The following TENM3 variants were observed in gnomAD, a reference collection of about 807,000 sequenced individuals.
The protein encoded by TENM3 is teneurin transmembrane protein 3.
In TENM3, 63 loss-of-function variants were observed where a neutral mutation model predicts 255.1. That is an observed-to-expected ratio of 0.25 (90% CI 0.20 to 0.30). The LOEUF (loss-of-function observed/expected upper bound fraction) is 0.30. Among genes scored for constraint, TENM3 ranks in the 10% least tolerant of loss-of-function variants. TENM3 has a pLI of 1.00. For missense variants in TENM3, 2,929 were observed against 3,461.1 expected (o/e 0.85, Z 3.86); for synonymous variants, 1,306 against 1,322.3 (o/e 0.99, Z 0.27).
At chr4:182,669,336 C>T (rs983071482) in intron 6 of TENM3, among the ~76,000 whole-genome samples, 22 of 152,186 alleles carry the variant, frequency 1.4e-4, no homozygotes, top group Non-Finnish European at 1.9e-4. Context: ...GTGGCGCGAT[C>T]TCGGCTCACT....
chr4:182,774,847 T>A (rs1284089835), intron 23 of TENM3, 71 bp from the exon 24 acceptor site: 1 of 1,111,778 alleles, frequency 9.0e-7, no homozygotes, highest in Non-Finnish European at 1.3e-6. Flanking sequence ...TTAGAACCTA[T>A]CTCACGGCAC....
intron 3 of TENM3, among the ~76,000 whole-genome samples, chr4:182,485,180 C>CA (rs1734578850): frequency 6.6e-6 from 1 of 152,050 alleles, no homozygotes; most frequent in Non-Finnish European, 1.5e-5. Context: ...ACAGCCCTGT[C>CA]CTCGTTTGTA....
At chr4:182,262,924 A>G (rs1034095401) in intron 1 of TENM3, among the ~76,000 whole-genome samples, 4 of 152,084 alleles carry the variant, frequency 2.6e-5, no homozygotes, top group Admixed American at 2.0e-4. Flanking sequence ...CGTGTTAGCC[A>G]GGATGGTCTC....
At chr4:182,798,035 T>C (rs1333941878) in intron 27 of TENM3, among the ~76,000 whole-genome samples, 3 of 152,120 alleles carry the variant, frequency 2.0e-5, no homozygotes, top group Non-Finnish European at 4.4e-5. Flanking sequence ...ATATCATATA[T>C]ATTTTTTTTT....
the TENM3 span, among the ~76,000 whole-genome samples, chr4:182,081,445 G>A: frequency 7.2e-5 from 11 of 151,938 alleles, no homozygotes; most frequent in Admixed American, 2.6e-4. Context: ...TTAGCTGGGC[G>A]TGGTGGCACG....
At chr4:182,328,018 G>A (rs867069444) in intron 2 of TENM3, among the ~76,000 whole-genome samples, 8 of 152,158 alleles carry the variant, frequency 5.3e-5, no homozygotes, top group African/African-American at 1.2e-4. Flanking sequence ...GAAAAGAGAC[G>A]ATGTCTGGAA....
At chr4:182,066,883 C>T in the TENM3 span, among the ~76,000 whole-genome samples, 8 of 152,108 alleles carry the variant, frequency 5.3e-5, no homozygotes, top group African/African-American at 1.9e-4. Flanking sequence ...TGCACTCCAG[C>T]CTGGGCGACA....
At chr4:181,608,795 G>A in the TENM3 span, among the ~76,000 whole-genome samples, 1 of 152,142 alleles carries the variant, frequency 6.6e-6, no homozygotes, top group African/African-American at 2.4e-5. Context: ...TCAGCTGAGC[G>A]AGGAAAGGTA....
At chr4:181,456,475 A>C in the TENM3 span, among the ~76,000 whole-genome samples, 114,482 of 151,594 alleles carry the variant, frequency 0.76, 43,505 homozygotes, top group African/African-American at 0.84. Flanking sequence ...AACTTTTGTC[A>C]AAATGTGTCA....
the TENM3 span, among the ~76,000 whole-genome samples, chr4:181,936,820 C>A: frequency 0.029 from 4,450 of 151,842 alleles, 78 homozygotes; most frequent in South Asian, 0.044. Context: ...CTAAAACAAG[C>A]AGAAGGGGAG....
the TENM3 span, among the ~76,000 whole-genome samples, chr4:182,121,609 C>G: frequency 6.6e-6 from 1 of 152,206 alleles, no homozygotes; most frequent in East Asian, 1.9e-4. Context: ...TACTATTAAA[C>G]ATTTAATAGC....
At position 182,448,960 on chromosome 4, in the gene TENM3, C is replaced by T. The variant is rs1240377567; in HGVS notation, c.511+102031C>T. On this transcript the variant is annotated intron_variant, in intron 3 of 27. Transcript: ENST00000511685. ...ACAGAGGAGCCTCAGCCTATCATGT[C>T]TGGCCGCCGCGCGCAGCCCGAGCCC... The T allele has an allele frequency of 1.0e-5, 4 of 394,420 alleles. No individual in the cohort carries two copies. The Admixed American group carries it at 1.2e-4, about 11-fold the overall frequency. The allele number at this position is 394,420 out of a possible 1,614,324, so 24.4% of individuals were successfully genotyped here.
the TENM3 span, among the ~76,000 whole-genome samples, chr4:181,616,049 C>T: frequency 1.6e-3 from 186 of 118,324 alleles, no homozygotes; most frequent in Middle Eastern, 4.6e-3. Context: ...GAACATGTTT[C>T]CCCCCCACAC....
chr4:181,875,580 C>G, the TENM3 span, among the ~76,000 whole-genome samples: 2 of 152,100 alleles, frequency 1.3e-5, no homozygotes, highest in Non-Finnish European at 2.9e-5. Context: ...GTAGGAAAAA[C>G]ATGTCCCATT....
the TENM3 span, among the ~76,000 whole-genome samples, chr4:181,647,837 G>A: frequency 6.6e-6 from 1 of 152,144 alleles, no homozygotes; most frequent in Non-Finnish European, 1.5e-5. Flanking sequence ...CAGCGAGTCT[G>A]AAGAGAGAGA....
chr4:182,188,105 A>T (rs1014378951), intron 1 of TENM3, among the ~76,000 whole-genome samples: 1 of 152,164 alleles, frequency 6.6e-6, no homozygotes, highest in Non-Finnish European at 1.5e-5. Context: ...AAGATAAGAT[A>T]CAACCAAATG....
At chr4:181,940,189 T>C in the TENM3 span, among the ~76,000 whole-genome samples, 1 of 152,236 alleles carries the variant, frequency 6.6e-6, no homozygotes, top group Non-Finnish European at 1.5e-5. Flanking sequence ...TTTTATAATG[T>C]AAAGTTGGTC....
intron 3 of TENM3, among the ~76,000 whole-genome samples, chr4:182,374,375 C>T (rs544101050): frequency 2.6e-5 from 4 of 152,256 alleles, no homozygotes; most frequent in Non-Finnish European, 5.9e-5. Context: ...AAATTGTACA[C>T]TAAACATATT....
At chr4:182,768,736 G>T (rs1253522132) in intron 22 of TENM3, among the ~76,000 whole-genome samples, 5 of 152,100 alleles carry the variant, frequency 3.3e-5, no homozygotes, top group Non-Finnish European at 7.4e-5. Context: ...AGCTAAAACA[G>T]CAACTAGGCA....
Sources: allele counts gnomAD v4.1 joint callset (sites outside exome capture counted in the v4.1 genomes callset), GRCh38; gene constraint gnomAD v4.1.1; transcripts MANE v1.5; gene names NCBI Gene and HGNC (gene_info 2026-07-23, HGNC 2026-07-21).